ANKRD30B: variants seen among roughly 807,000 people sequenced by gnomAD.
ANKRD30B encodes ankyrin repeat domain 30B, also known as ankyrin repeat domain-containing protein 30B.
Under a neutral mutation model 202.2 loss-of-function variants are expected in ANKRD30B, and 144 were observed. The ratio of observed to expected loss-of-function variants is 0.71; its 90% CI spans 0.62 to 0.82. ANKRD30B has a LOEUF of 0.82. Ranked by LOEUF, ANKRD30B falls within the 40% of genes least tolerant of loss-of-function variation. The pLI is 0.00. For synonymous variants in ANKRD30B, 508 were observed against 561.3 expected (o/e 0.91, Z 1.34); for missense variants, 1,487 against 1,669.1 (o/e 0.89, Z 1.90).
At chr18:14,824,681 T>C (rs990807280) in intron 32 of ANKRD30B, among the ~76,000 whole-genome samples, 52 of 152,232 alleles carry the variant, frequency 3.4e-4, no homozygotes, top group African/African-American at 1.1e-3. Flanking sequence ...CACAGATTCA[T>C]TGGAATTATT....
chr18:14,831,432 G>A lies in ANKRD30B; in HGVS notation c.2824G>A (p.Glu942Lys). 1 of 1,533,262 alleles carries A rather than the reference G, an allele frequency of 6.5e-7. No homozygotes were observed. The highest frequency in any genetic ancestry group is 8.8e-7 in the Non-Finnish European group (1 of 1,137,942). The allele number at this position is 1,533,262 out of a possible 1,614,324, so 95.0% of individuals were successfully genotyped here. ...TENSQSTKVE[E>K]DFNLTTKEGA... ...AAATTCACAGTCTACAAAAGTTGAGGAAGACTTTAATCTTACTACCAAGGT... is the reference window on the plus strand; with the variant it reads ...AAATTCACAGTCTACAAAAGTTGAGAAAGACTTTAATCTTACTACCAAGGT... Residue 942 changes from glutamate (E) to lysine (K), a missense_variant, in exon 34 of 44, where the codon GAA (glutamate) becomes AAA (lysine). Glu to Lys is a moderately conservative substitution (Grantham distance 56). Transcript: ENST00000690538.
rs1568072731 is a variant in ANKRD30B at position 14,847,053 on chromosome 18, TATATATATA to T, written c.3182-1662_3182-1654del. Among the ~76,000 whole-genome samples, 98 of 14,218 alleles carry T rather than the reference TATATATATA, an allele frequency of 6.9e-3. 2 individuals carry two copies. The highest frequency in any genetic ancestry group is 0.027 in the African/African-American group (97 of 3,654). The allele number at this position is 14,218 out of a possible 152,430, so 9.3% of individuals were successfully genotyped here. On this transcript the variant is annotated intron_variant, in intron 39 of 43. Transcript: ENST00000690538. ...TAGTAATTTTTATGATTTAGTTTTATATATATATATATATATATATATATATATATATAT... is the reference window on the plus strand; with the variant it reads ...TAGTAATTTTTATGATTTAGTTTTATTATATATATATATATATATATATAT...
At chr18:14,902,853 A>T in the ANKRD30B span, among the ~76,000 whole-genome samples, 1 of 152,190 alleles carries the variant, frequency 6.6e-6, no homozygotes, top group African/African-American at 2.4e-5. Flanking sequence ...GGGATACTAG[A>T]AGCTGCAATC....
At chr18:14,867,617 G>A in the ANKRD30B span, among the ~76,000 whole-genome samples, 16 of 152,290 alleles carry the variant, frequency 1.1e-4, no homozygotes, top group Middle Eastern at 0.024. Context: ...TGGGCACCAC[G>A]GGGGCTCAGG....
intron 15 of ANKRD30B, among the ~76,000 whole-genome samples, chr18:14,789,117 A>G (rs75305979): frequency 0.57 from 87,055 of 151,630 alleles, 25,750 homozygotes; most frequent in African/African-American, 0.72. Flanking sequence ...TCTCATTGTG[A>G]TTTGATTTGC....
chr18:14,916,617 G>A, the ANKRD30B span, among the ~76,000 whole-genome samples: 3 of 152,128 alleles, frequency 2.0e-5, no homozygotes, highest in Non-Finnish European at 4.4e-5. Context: ...GGTGGGTGGG[G>A]GAGGTTGTGA....
At chr18:14,865,343 C>T in the ANKRD30B span, among the ~76,000 whole-genome samples, 46 of 151,302 alleles carry the variant, frequency 3.0e-4, no homozygotes, top group Middle Eastern at 3.4e-3. Context: ...TCTCTTCCCC[C>T]TCCCTCTCTG....
chr18:14,902,187 C>G, the ANKRD30B span, among the ~76,000 whole-genome samples: 1 of 152,154 alleles, frequency 6.6e-6, no homozygotes, highest in African/African-American at 2.4e-5. Flanking sequence ...CTGCCACCCC[C>G]TCCCCACAAC....
intron 37 of ANKRD30B, among the ~76,000 whole-genome samples, chr18:14,841,686 G>A (rs1210422591): frequency 5.3e-5 from 8 of 152,134 alleles, no homozygotes; most frequent in African/African-American, 1.9e-4. Context: ...GGGATTGTGA[G>A]GCATGAAATG....
intron 26 of ANKRD30B, among the ~76,000 whole-genome samples, chr18:14,809,493 G>T (rs746158077): frequency 5.3e-5 from 8 of 150,812 alleles, no homozygotes; most frequent in Non-Finnish European, 8.9e-5. Flanking sequence ...GCCATGGCGA[G>T]ATGAGGGCGT....
intron 12 of ANKRD30B, 120 bp downstream of exon 12, chr18:14,782,734 A>G (rs1967833741): frequency 1.8e-6 from 1 of 557,814 alleles, no homozygotes; most frequent in Non-Finnish European, 3.0e-6. Flanking sequence ...TCGAAAAGAG[A>G]GGAGTAAAAT....
the ANKRD30B span, among the ~76,000 whole-genome samples, chr18:14,930,003 G>T: frequency 6.6e-6 from 1 of 152,192 alleles, no homozygotes; most frequent in Non-Finnish European, 1.5e-5. Context: ...GGATGAGTAA[G>T]TGGCTTCCCT....
the ANKRD30B span, among the ~76,000 whole-genome samples, chr18:14,924,984 C>T: frequency 6.6e-6 from 1 of 152,170 alleles, no homozygotes; most frequent in African/African-American, 2.4e-5. Context: ...ATGGGTAGAA[C>T]AGGGCAGTTA....
intron 4 of ANKRD30B, among the ~76,000 whole-genome samples, chr18:14,755,562 C>T (rs1487591081): frequency 6.6e-6 from 1 of 152,098 alleles, no homozygotes; most frequent in East Asian, 1.9e-4. Context: ...CTTCCCCTCA[C>T]CCCTCAACAG....
intron 39 of ANKRD30B, among the ~76,000 whole-genome samples, chr18:14,846,146 C>CT (rs1449617554): frequency 2.6e-5 from 4 of 151,598 alleles, no homozygotes; most frequent in South Asian, 2.1e-4. Flanking sequence ...ACATTCAATG[C>CT]TGAAAAGCTT....
At chr18:14,796,304 A>T in intron 17 of ANKRD30B, 39 bp from the exon 18 acceptor site, 1 of 1,609,670 alleles carries the variant, frequency 6.2e-7, no homozygotes, top group Non-Finnish European at 8.5e-7. Context: ...TAGGAAGCAT[A>T]TATTATGTAT....
intron 26 of ANKRD30B, among the ~76,000 whole-genome samples, chr18:14,809,121 T>A (rs1969749774): frequency 6.8e-6 from 1 of 146,500 alleles, no homozygotes; most frequent in African/African-American, 2.6e-5. Context: ...ATACCCGCAT[T>A]TACTATTAAG....
intron 15 of ANKRD30B, among the ~76,000 whole-genome samples, chr18:14,788,712 A>G (rs1209736686): frequency 6.6e-6 from 1 of 152,048 alleles, no homozygotes; most frequent in Non-Finnish European, 1.5e-5. Flanking sequence ...TGTCCCTACA[A>G]AGGACATGAA....
the ANKRD30B span, among the ~76,000 whole-genome samples, chr18:14,864,306 G>A: frequency 6.6e-6 from 1 of 152,088 alleles, no homozygotes; most frequent in Non-Finnish European, 1.5e-5. Flanking sequence ...CTGCACTCCA[G>A]CCTGGGCAAC....
Sources: allele counts gnomAD v4.1 joint callset (sites outside exome capture counted in the v4.1 genomes callset), GRCh38; gene constraint gnomAD v4.1.1; transcripts MANE v1.5; gene names NCBI Gene and HGNC (gene_info 2026-07-23, HGNC 2026-07-21).